The following CDH18 variants were observed in gnomAD, a reference collection of about 807,000 sequenced individuals.
The protein encoded by CDH18 is cadherin 18.
In CDH18, 31 loss-of-function variants were observed where a neutral mutation model predicts 67.9. That is an observed-to-expected ratio of 0.46 (90% CI 0.34 to 0.62). The LOEUF (loss-of-function observed/expected upper bound fraction) is 0.62, where lower values mean the gene tolerates loss of function less well. Ranked by LOEUF, CDH18 falls within the 20% of genes least tolerant of loss-of-function variation. The pLI is 0.01. For synonymous variants in CDH18, 362 were observed against 347.2 expected (o/e 1.04, Z -0.48); for missense variants, 890 against 975.5 (o/e 0.91, Z 1.17).
intron 1 of CDH18, among the ~76,000 whole-genome samples, chr5:20,439,773 A>G (rs1196307541): frequency 6.6e-6 from 1 of 151,566 alleles, no homozygotes; most frequent in Non-Finnish European, 1.5e-5. Flanking sequence ...TTCCTTGTCT[A>G]TTTTACTCCG....
At chr5:19,794,467 C>T (rs927807469) in intron 3 of CDH18, among the ~76,000 whole-genome samples, 8 of 152,084 alleles carry the variant, frequency 5.3e-5, no homozygotes, top group Non-Finnish European at 1.2e-4. Flanking sequence ...ACATCGCAAG[C>T]TGTCCTGGTT....
At chr5:20,138,752 T>G (rs529721284) in intron 2 of CDH18, among the ~76,000 whole-genome samples, 1 of 152,180 alleles carries the variant, frequency 6.6e-6, no homozygotes, top group Non-Finnish European at 1.5e-5. Flanking sequence ...GAATCCAACT[T>G]ACGAGGGATG....
At chr5:19,945,659 A>G (rs1026489765) in intron 2 of CDH18, among the ~76,000 whole-genome samples, 8 of 151,926 alleles carry the variant, frequency 5.3e-5, no homozygotes, top group Admixed American at 4.6e-4. Flanking sequence ...AAAATCTCAG[A>G]AAAATAACAG....
chr5:19,950,495 C>T (rs1233971594), intron 2 of CDH18, among the ~76,000 whole-genome samples: 1 of 152,064 alleles, frequency 6.6e-6, no homozygotes, highest in African/African-American at 2.4e-5. Context: ...AACCAAACAA[C>T]AGCTGTTCTG....
intron 2 of CDH18, among the ~76,000 whole-genome samples, chr5:20,203,644 C>T (rs573172798): frequency 7.1e-6 from 1 of 140,734 alleles, no homozygotes; most frequent in South Asian, 2.2e-4. Context: ...CAAATGTATA[C>T]AATAAAAAAA....
intron 2 of CDH18, among the ~76,000 whole-genome samples, chr5:20,162,762 A>G (rs1735991014): frequency 6.6e-6 from 1 of 151,922 alleles, no homozygotes; most frequent in Non-Finnish European, 1.5e-5. Flanking sequence ...CATATATAAT[A>G]AAGAAATAAA....
At chr5:19,642,556 G>A (rs1754161302) in intron 5 of CDH18, among the ~76,000 whole-genome samples, 1 of 151,998 alleles carries the variant, frequency 6.6e-6, no homozygotes. Flanking sequence ...TAAAAAGGAT[G>A]CAAAGAAAAT....
At chr5:20,057,411 T>G (rs1017770562) in intron 2 of CDH18, among the ~76,000 whole-genome samples, 1 of 152,232 alleles carries the variant, frequency 6.6e-6, no homozygotes, top group African/African-American at 2.4e-5. Context: ...GATTTTGTTG[T>G]ACTGAAATTA....
chr5:20,526,117 C>G (rs1355609748), intron 1 of CDH18, among the ~76,000 whole-genome samples: 1 of 152,070 alleles, frequency 6.6e-6, no homozygotes, highest in Non-Finnish European at 1.5e-5. Context: ...GGGTGGTATT[C>G]CCGACAGGGC....
chr5:19,905,593 C>T (rs1198033340), intron 2 of CDH18, among the ~76,000 whole-genome samples: 1 of 151,784 alleles, frequency 6.6e-6, no homozygotes, highest in Non-Finnish European at 1.5e-5. Context: ...TTGGTCAACA[C>T]TAATTACAGG....
At chr5:19,974,302 C>A (rs929052320) in intron 2 of CDH18, among the ~76,000 whole-genome samples, 3 of 151,726 alleles carry the variant, frequency 2.0e-5, no homozygotes, top group Non-Finnish European at 4.4e-5. Flanking sequence ...GAGGCCGAGG[C>A]GGGCAGATCA....
intron 1 of CDH18, among the ~76,000 whole-genome samples, chr5:20,398,962 T>G (rs10062389): frequency 2.1e-5 from 3 of 140,120 alleles, no homozygotes; most frequent in Admixed American, 6.8e-5. Context: ...CCATGGCACA[T>G]GTATACCCAC....
intron 2 of CDH18, among the ~76,000 whole-genome samples, chr5:19,941,072 A>G (rs1210378440): frequency 6.6e-6 from 1 of 152,036 alleles, no homozygotes; most frequent in Admixed American, 6.6e-5. Context: ...AATCCCCAAT[A>G]TGATAGTATT....
intron 2 of CDH18, among the ~76,000 whole-genome samples, chr5:20,075,830 A>C (rs1019796345): frequency 6.6e-6 from 1 of 152,150 alleles, no homozygotes; most frequent in African/African-American, 2.4e-5. Context: ...TTTTATAGTA[A>C]AATTTTGACC....
intron 6 of CDH18, among the ~76,000 whole-genome samples, chr5:19,606,058 T>C (rs956104680): frequency 2.0e-5 from 3 of 151,904 alleles, no homozygotes; most frequent in African/African-American, 7.2e-5. Context: ...GAGTCAGAAA[T>C]TGGTAAACAC....
At chr5:19,542,344 C>A (rs1385507968) in intron 9 of CDH18, among the ~76,000 whole-genome samples, 2 of 152,154 alleles carry the variant, frequency 1.3e-5, no homozygotes, top group Non-Finnish European at 2.9e-5. Context: ...AACAGTGCAT[C>A]CACATTGGAA....
At chr5:20,306,027 G>A (rs1444511737) in intron 1 of CDH18, 2 of 152,696 alleles carry the variant, frequency 1.3e-5, no homozygotes, top group African/African-American at 4.8e-5. Flanking sequence ...CATGTTTTGA[G>A]GAACGTGTTA....
chr5:20,452,152 G>A (rs558690382), intron 1 of CDH18, among the ~76,000 whole-genome samples: 2 of 152,258 alleles, frequency 1.3e-5, no homozygotes, highest in East Asian at 1.9e-4. Flanking sequence ...AGACAAAAAA[G>A]TGAACTTAAA....
chr5:20,480,820 T>C (rs533117179), intron 1 of CDH18, among the ~76,000 whole-genome samples: 120 of 152,222 alleles, frequency 7.9e-4, no homozygotes, highest in African/African-American at 2.7e-3. Context: ...GCAAACCTCA[T>C]GGTAACCTCA....
Sources: allele counts gnomAD v4.1 joint callset (sites outside exome capture counted in the v4.1 genomes callset), GRCh38; gene constraint gnomAD v4.1.1; transcripts MANE v1.5; gene names NCBI Gene and HGNC (gene_info 2026-07-23, HGNC 2026-07-21).